CACNA1C: variants seen among roughly 807,000 people sequenced by gnomAD.
The protein encoded by CACNA1C is voltage-dependent L-type calcium channel subunit alpha-1C.
Under a neutral mutation model 229.0 loss-of-function variants are expected in CACNA1C, and 30 were observed. The observed-to-expected ratio is 0.13, with a 90% confidence interval of 0.10 to 0.18. The LOEUF is 0.18. Ranked by LOEUF, CACNA1C falls within the 10% of genes least tolerant of loss-of-function variation. The pLI is 1.00. For missense variants in CACNA1C, 1,658 were observed against 2,845.0 expected (o/e 0.58, Z 9.49); for synonymous variants, 1,114 against 1,132.5 (o/e 0.98, Z 0.33).
rs2087198286 is a variant in CACNA1C at position 2,275,198 on chromosome 12, T to G, written c.477+154768T>G. On this transcript the variant is annotated intron_variant, in intron 3 of 46. Transcript: ENST00000399655. The surrounding 1 kb of genome is among the most constrained non-coding windows in gnomAD (Gnocchi z 4.1). ...CAGTGTGTTTGGTGTGTAATCATTGTCCTGCTAGCTAGCAGTCATCATCAG... is the reference window on the plus strand; with the variant it reads ...CAGTGTGTTTGGTGTGTAATCATTGGCCTGCTAGCTAGCAGTCATCATCAG... 6.6e-6 allele frequency among the ~76,000 whole-genome samples: 1 copy of G among 152,260 alleles called. No individual in the cohort carries two copies. Among genetic ancestry groups the G allele is most frequent in the Non-Finnish European group, 1.5e-5 (1 of 68,050 alleles).
At position 2,679,757 on chromosome 12, in the gene CACNA1C, T is replaced by G. The variant is rs1354197850; in HGVS notation, c.5405T>G (p.Ile1802Ser). 6.3e-7 allele frequency: 1 copy of G among 1,592,560 alleles called. No individual in the cohort carries two copies. Among genetic ancestry groups the G allele is most frequent in the South Asian group, 1.1e-5 (1 of 88,272 alleles). ...EGHGPPLSPAIRVQEVAWKLS... is the reference protein window; with the variant it reads ...EGHGPPLSPASRVQEVAWKLS... ...CACGGGCCCCCCTTGTCCCCTGCCA[T>G]CCGGGTGCAGGAGGTGGCGTGGAAG... Residue 1802 changes from isoleucine to serine, a missense_variant, in exon 42 of 47, where the codon ATC becomes AGC. Ile to Ser is a moderately radical substitution (Grantham distance 142, BLOSUM62 -2). Transcript: ENST00000399655. This position sits in a 1 kb window ranked among gnomAD's most constrained non-coding sequence, Gnocchi z 5.5.
intron 43 of CACNA1C, among the ~76,000 whole-genome samples, chr12:2,683,574 T>A (rs984285054): frequency 6.6e-6 from 1 of 152,226 alleles, no homozygotes; most frequent in Non-Finnish European, 1.5e-5. Context: ...GGCATGGGGT[T>A]TTCCCCAGGG....
Position 2,053,442 on chromosome 12 carries a change from C to T in CACNA1C, c.-121C>T. ...GAAGAAACGCTGCAGACCACGGCTT[C>T]CTCGAATCTTGCGCGAAAGCCGCCG... On this transcript the variant is annotated 5_prime_UTR_variant, in exon 1 of 47. Transcript: ENST00000399655. This position sits in a 1 kb window ranked among gnomAD's most constrained non-coding sequence, Gnocchi z 5.8. The T allele has an allele frequency of 6.8e-7, 1 of 1,469,128 alleles. No individual in the cohort carries two copies. The highest frequency in any genetic ancestry group is 9.1e-7 in the Non-Finnish European group (1 of 1,102,810). The allele number at this position is 1,469,128 out of a possible 1,614,324, so 91.0% of individuals were successfully genotyped here. A position where few individuals can be genotyped will look rare whatever the true frequency, so the allele number is the denominator to read the frequency against.
Position 2,310,701 on chromosome 12 carries a change from G to A in CACNA1C, c.478-138275G>A, listed in dbSNP as rs549061855. On this transcript the variant is annotated intron_variant, in intron 3 of 46. Transcript: ENST00000399655. Reference sequence around the variant, plus strand: ...CTAGAGGAAACCTGCAAGGGCTTTCGACTCACAGGGTTCTTTCATTCTGTG... The same window carrying A: ...CTAGAGGAAACCTGCAAGGGCTTTCAACTCACAGGGTTCTTTCATTCTGTG... 1.4e-3 allele frequency among the ~76,000 whole-genome samples: 219 copies of A among 152,280 alleles called. 1 individual carries two copies. Among genetic ancestry groups the A allele is most frequent in the African/African-American group, 4.9e-3 (204 of 41,552 alleles).
chr12:2,273,562 C>G (rs1003766124), intron 3 of CACNA1C, among the ~76,000 whole-genome samples: 2 of 152,270 alleles, frequency 1.3e-5, no homozygotes, highest in South Asian at 4.1e-4. Flanking sequence ...AGACATGCTG[C>G]TGGTTTTGGA....
chr12:2,661,130 C>T (rs1269346927), intron 34 of CACNA1C, among the ~76,000 whole-genome samples: 1 of 151,896 alleles, frequency 6.6e-6, no homozygotes, highest in Non-Finnish European at 1.5e-5. Context: ...GGTGTGGTGC[C>T]ATGTGCCTGT....
chr12:2,321,524 ACT>A (rs1451674951), intron 3 of CACNA1C, among the ~76,000 whole-genome samples: 7 of 151,716 alleles, frequency 4.6e-5, no homozygotes, highest in Non-Finnish European at 8.8e-5. Context: ...AGGATGAATG[ACT>A]CTAGGCTCTG....
At chr12:2,298,443 C>T (rs547564287) in intron 3 of CACNA1C, among the ~76,000 whole-genome samples, 14 of 150,190 alleles carry the variant, frequency 9.3e-5, no homozygotes, top group African/African-American at 2.4e-4. Flanking sequence ...GGATTACAGG[C>T]ACGCACCACC....
chr12:2,256,090 C>CGATCCTGACCTGACTAGTTTACAATCA (rs142296568), intron 3 of CACNA1C, among the ~76,000 whole-genome samples: 5 of 34,886 alleles, frequency 1.4e-4, no homozygotes, highest in Admixed American at 8.9e-4. Context: ...TACAATCACA[C>CGATCCTGACCTGACTAGTTTACAATCA]CTCCTGTTTC....
intron 30 of CACNA1C, among the ~76,000 whole-genome samples, chr12:2,643,267 G>A (rs896376085): frequency 1.3e-5 from 2 of 152,172 alleles, no homozygotes; most frequent in African/African-American, 4.8e-5. Flanking sequence ...GTGGTGGCCC[G>A]GGACAGAGTC....
chr12:2,192,916 T>G (rs1469024254), intron 3 of CACNA1C, among the ~76,000 whole-genome samples: 1 of 152,234 alleles, frequency 6.6e-6, no homozygotes, highest in African/African-American at 2.4e-5. Flanking sequence ...TCCTCTGCAT[T>G]CAGAGTCAGA....
At chr12:2,358,147 C>G in intron 3 of CACNA1C, among the ~76,000 whole-genome samples, 1 of 151,980 alleles carries the variant, frequency 6.6e-6, no homozygotes. Context: ...AAAGGAAATG[C>G]CTGACCTCAG....
chr12:2,673,753 G>A (rs997790106), intron 38 of CACNA1C, among the ~76,000 whole-genome samples: 2 of 152,146 alleles, frequency 1.3e-5, no homozygotes, highest in Non-Finnish European at 2.9e-5. Context: ...CTTCCAGGCC[G>A]GCTGGAGAGA....
intron 1 of CACNA1C, among the ~76,000 whole-genome samples, chr12:2,021,679 T>TA (rs548606719): frequency 2.4e-4 from 35 of 145,104 alleles, no homozygotes; most frequent in Middle Eastern, 3.5e-3. Context: ...AAACTCCATC[T>TA]AAAAAAAAAA....
intron 3 of CACNA1C, among the ~76,000 whole-genome samples, chr12:2,374,057 G>A (rs558469928): frequency 6.6e-6 from 1 of 152,186 alleles, no homozygotes; most frequent in East Asian, 1.9e-4. Context: ...TCACAACTCC[G>A]CTAGCCAGGG....
intron 1 of CACNA1C, among the ~76,000 whole-genome samples, chr12:1,995,642 C>G (rs1203503623): frequency 6.6e-6 from 1 of 152,236 alleles, no homozygotes; most frequent in Non-Finnish European, 1.5e-5. Flanking sequence ...GAGCTCCCTC[C>G]TGCCCAGCAT....
intron 3 of CACNA1C, among the ~76,000 whole-genome samples, chr12:2,341,224 T>G (rs2096853002): frequency 4.6e-5 from 7 of 152,202 alleles, no homozygotes; most frequent in South Asian, 4.1e-4. Context: ...ATCCTGGCTG[T>G]GTGACTGGCA....
chr12:2,295,863 A>G (rs1031965595), intron 3 of CACNA1C, among the ~76,000 whole-genome samples: 4 of 152,202 alleles, frequency 2.6e-5, no homozygotes, highest in Admixed American at 2.6e-4. Context: ...CCAACCTCTC[A>G]ACATGTGTCC....
At chr12:2,257,072 T>A (rs1445410940) in intron 3 of CACNA1C, among the ~76,000 whole-genome samples, 1 of 152,168 alleles carries the variant, frequency 6.6e-6, no homozygotes, top group Non-Finnish European at 1.5e-5. Flanking sequence ...GGCTTTGCTG[T>A]CTTCGTTGGT....
Sources: gnomAD v4.1 joint callset for allele counts (sites outside exome capture counted in the v4.1 genomes callset) on GRCh38, gnomAD v4.1.1 for gene constraint, Gnocchi (gnomAD v3.1) non-coding constraint, MANE v1.5 for transcripts, NCBI Gene and HGNC (gene_info 2026-07-23, HGNC 2026-07-21) for gene names.